ANKFN1: variants seen among roughly 807,000 people sequenced by gnomAD.
The protein encoded by ANKFN1 is ankyrin repeat and fibronectin type III domain containing 1, also known as ankyrin repeat and fibronectin type-III domain-containing protein 1.
In ANKFN1, 74 loss-of-function variants were observed where a neutral mutation model predicts 108.7. The ratio of observed to expected loss-of-function variants is 0.68; its 90% confidence interval spans 0.56 to 0.83. The LOEUF is 0.83. Ranked by LOEUF, ANKFN1 falls within the 40% of genes least tolerant of loss-of-function variation. The pLI, the probability that ANKFN1 is intolerant of heterozygous loss-of-function variation, is 0.00. For missense variants in ANKFN1, 1,505 were observed against 1,382.3 expected (o/e 1.09, Z -1.41); for synonymous variants, 547 against 516.2 (o/e 1.06, Z -0.81).
At chr17:56,400,962 G>A (rs1216274144) in intron 8 of ANKFN1, among the ~76,000 whole-genome samples, 5 of 151,864 alleles carry the variant, frequency 3.3e-5, no homozygotes, top group African/African-American at 7.3e-5. Context: ...ATTTTTATGC[G>A]AGTACCACGC....
chr17:56,205,939 G>A (rs912978468), intron 1 of ANKFN1, among the ~76,000 whole-genome samples: 2 of 151,788 alleles, frequency 1.3e-5, no homozygotes, highest in Non-Finnish European at 2.9e-5. Context: ...CAGATCACAA[G>A]TCTCTTCATC....
At chr17:56,312,359 C>G (rs571301963) in intron 3 of ANKFN1, among the ~76,000 whole-genome samples, 1 of 152,244 alleles carries the variant, frequency 6.6e-6, no homozygotes, top group East Asian at 1.9e-4. Context: ...TAGTCTAGAC[C>G]CAGAGTATAA....
In ANKFN1 at chr17:56,288,055, AT is replaced by A. The variant is rs58175322; in HGVS notation, c.54-38155del. Among the ~76,000 whole-genome samples the A allele has an allele frequency of 1.2e-3, 175 of 147,470 alleles. 1 individual carries two copies. The highest frequency in any genetic ancestry group is 2.6e-3 in the Admixed American group (39 of 14,742). The stretch of plus-strand genomic sequence containing the variant: ...ACCCAGAGTCATTGAAAGGCCCTGC[AT>A]TTTTTTTTTTAATTTTAAAATTCTT... On this transcript the variant is annotated intron_variant, in intron 3 of 20. Coordinates refer to ENST00000682825, the MANE Select transcript of ANKFN1 (RefSeq NM_001370326.1).
chr17:56,291,177 G>A (rs1480777806), intron 3 of ANKFN1, among the ~76,000 whole-genome samples: 2 of 152,176 alleles, frequency 1.3e-5, no homozygotes, highest in African/African-American at 4.8e-5. Flanking sequence ...ATCTACAGGA[G>A]AATGTCACTG....
chr17:56,368,811 A>C (rs1310918800), intron 6 of ANKFN1, among the ~76,000 whole-genome samples: 1 of 152,192 alleles, frequency 6.6e-6, no homozygotes, highest in Non-Finnish European at 1.5e-5. Flanking sequence ...TTCCCATTTT[A>C]TTCCAGTTTC....
At chr17:56,367,036 T>A (rs1273038080) in intron 6 of ANKFN1, among the ~76,000 whole-genome samples, 1 of 152,172 alleles carries the variant, frequency 6.6e-6, no homozygotes, top group East Asian at 1.9e-4. Context: ...TCCTTCTAAC[T>A]CTGAGATTAA....
intron 3 of ANKFN1, among the ~76,000 whole-genome samples, chr17:56,234,445 AC>A (rs1262465163): frequency 6.6e-6 from 1 of 151,918 alleles, no homozygotes; most frequent in Non-Finnish European, 1.5e-5. Flanking sequence ...TTATTTTATC[AC>A]CCAGGTACTA....
chr17:56,353,663 C>T (rs775163894), intron 5 of ANKFN1, among the ~76,000 whole-genome samples, 173 bp from the exon 6 acceptor site: 11 of 152,112 alleles, frequency 7.2e-5, no homozygotes, highest in Admixed American at 2.0e-4. Context: ...TTAGAAATGA[C>T]GGAGGGGAAG....
chr17:56,065,419 A>G (rs1388406200), intron 4 of ANKFN1, among the ~76,000 whole-genome samples: 1 of 152,134 alleles, frequency 6.6e-6, no homozygotes, highest in Non-Finnish European at 1.5e-5. Flanking sequence ...CTCCTTTAAG[A>G]ACTTTTCTTT....
At chr17:56,065,856 C>G (rs1360862328) in intron 4 of ANKFN1, among the ~76,000 whole-genome samples, 3 of 152,108 alleles carry the variant, frequency 2.0e-5, no homozygotes, top group Admixed American at 6.5e-5. Flanking sequence ...TAAAATGTGG[C>G]ACAGAGACAC....
intron 4 of ANKFN1, among the ~76,000 whole-genome samples, chr17:56,048,819 G>C (rs1047675328): frequency 2.6e-5 from 4 of 152,214 alleles, no homozygotes; most frequent in African/African-American, 9.6e-5. Flanking sequence ...TGGGGCCTCT[G>C]TCTTCCTTCC....
At chr17:56,185,679 G>C (rs1912130765) in intron 1 of ANKFN1, among the ~76,000 whole-genome samples, 2 of 152,130 alleles carry the variant, frequency 1.3e-5, no homozygotes, top group Admixed American at 1.3e-4. Context: ...TTTAAGTTGT[G>C]GGAAAGAGAA....
At chr17:56,225,126 A>G (rs1379346162) in intron 2 of ANKFN1, among the ~76,000 whole-genome samples, 1 of 152,074 alleles carries the variant, frequency 6.6e-6, no homozygotes, top group Non-Finnish European at 1.5e-5. Flanking sequence ...AGTATATGCA[A>G]ATAATACAAA....
chr17:56,353,380 G>A (rs1214976745), intron 5 of ANKFN1, among the ~76,000 whole-genome samples: 1 of 151,910 alleles, frequency 6.6e-6, no homozygotes, highest in African/African-American at 2.4e-5. Flanking sequence ...GGGATTACAG[G>A]CACCCAACAC....
intron 4 of ANKFN1, among the ~76,000 whole-genome samples, chr17:56,115,062 T>G (rs1906181106): frequency 6.6e-6 from 1 of 152,248 alleles, no homozygotes; most frequent in Admixed American, 6.5e-5. Flanking sequence ...ACTTCCAAGA[T>G]AATAGGTTTT....
chr17:56,153,641 C>A, intron 1 of ANKFN1, 111 bp downstream of exon 1: 1 of 1,407,798 alleles, frequency 7.1e-7, no homozygotes, highest in Non-Finnish European at 1.0e-6. Context: ...CGGGCGTTAG[C>A]TGGTGAGCAT....
intron 3 of ANKFN1, among the ~76,000 whole-genome samples, chr17:56,325,630 C>A (rs1321762308): frequency 6.6e-6 from 1 of 152,198 alleles, no homozygotes; most frequent in Non-Finnish European, 1.5e-5. Flanking sequence ...GCAGCCCTGA[C>A]TGGATTTAGA....
chr17:56,124,089 G>A (rs540042679), intron 4 of ANKFN1, among the ~76,000 whole-genome samples: 187 of 152,172 alleles, frequency 1.2e-3, no homozygotes, highest in African/African-American at 4.4e-3. Context: ...AAACTCTAAG[G>A]TCCATGTAAA....
chr17:56,299,229 C>T (rs1446540192), intron 3 of ANKFN1, among the ~76,000 whole-genome samples: 2 of 152,082 alleles, frequency 1.3e-5, no homozygotes, highest in African/African-American at 4.8e-5. Context: ...GCTGATAGTA[C>T]AGAAGTGCAT....
Sources: allele counts gnomAD v4.1 joint callset (sites outside exome capture counted in the v4.1 genomes callset), GRCh38; gene constraint gnomAD v4.1.1; transcripts MANE v1.5; gene names NCBI Gene and HGNC (gene_info 2026-07-23, HGNC 2026-07-21).